C1orf21: variants seen among roughly 807,000 people sequenced by gnomAD.
The protein encoded by C1orf21 is chromosome 1 open reading frame 21, also known as uncharacterized protein C1orf21.
In C1orf21, 3 loss-of-function variants were observed where a neutral mutation model predicts 18.7. The ratio of observed to expected loss-of-function variants is 0.16; its 90% CI spans 0.07 to 0.42. The LOEUF (loss-of-function observed/expected upper bound fraction) is 0.42, where lower values mean the gene tolerates loss of function less well. C1orf21 is among the 10% of genes least tolerant of loss of function. The pLI, the probability that C1orf21 is intolerant of heterozygous loss-of-function variation, is 0.99. For synonymous variants in C1orf21, 41 were observed against 46.4 expected, an observed-to-expected ratio of 0.88 and a Z score of 0.47; for missense variants, 104 against 143.6, an observed-to-expected ratio of 0.72 and a Z score of 1.41.
At position 184,615,990 on chromosome 1, in the gene C1orf21, A is replaced by T. The variant is rs536701165; in HGVS notation, c.328-3528A>T. On this transcript the variant is annotated intron_variant, in intron 5 of 5. Coordinates refer to ENST00000235307, the MANE Select transcript of C1orf21 (RefSeq NM_030806.4). ...TTGAAATATACAATATATTACTACT[A>T]ACTCTAGTCACCCTACTGTGCTGTT... is the stretch of plus-strand genomic sequence containing the variant. Among the ~76,000 whole-genome samples, 9 of 152,258 alleles carry T rather than the reference A, an allele frequency of 5.9e-5. No individual in the cohort carries two copies. The East Asian group carries it at 1.7e-3, about 29-fold the overall frequency.
intron 3 of C1orf21, among the ~76,000 whole-genome samples, chr1:184,518,496 T>C (rs761722847): frequency 1.3e-5 from 2 of 152,212 alleles, no homozygotes; most frequent in Non-Finnish European, 2.9e-5. Context: ...TATCTTCATA[T>C]CACACTTCAA....
At chr1:184,581,280 A>G (rs1251986750) in intron 3 of C1orf21, among the ~76,000 whole-genome samples, 3 of 152,126 alleles carry the variant, frequency 2.0e-5, no homozygotes, top group African/African-American at 7.2e-5. Context: ...TACAAAAATT[A>G]GCCAGGCATG....
At chr1:184,491,901 G>A (rs910188367) in intron 2 of C1orf21, among the ~76,000 whole-genome samples, 11 of 152,164 alleles carry the variant, frequency 7.2e-5, no homozygotes, top group African/African-American at 2.7e-4. Context: ...TTTAGCTAAC[G>A]GGCCTTGTCT....
intron 1 of C1orf21, among the ~76,000 whole-genome samples, chr1:184,434,353 A>T (rs1311770516): frequency 6.6e-6 from 1 of 151,744 alleles, no homozygotes; most frequent in African/African-American, 2.4e-5. Context: ...CTCCATGTAA[A>T]GATGCAGGGA....
intron 4 of C1orf21, among the ~76,000 whole-genome samples, chr1:184,597,814 C>T (rs1469836727): frequency 6.6e-6 from 1 of 152,206 alleles, no homozygotes; most frequent in Non-Finnish European, 1.5e-5. Context: ...GCAAGTGCTG[C>T]TCAGACATGC....
intron 3 of C1orf21, among the ~76,000 whole-genome samples, chr1:184,584,035 C>G (rs754817017): frequency 6.6e-6 from 1 of 151,988 alleles, no homozygotes; most frequent in Non-Finnish European, 1.5e-5. Flanking sequence ...CTGCTTTATC[C>G]GAGCTGCTGC....
At chr1:184,618,084 GTT>G (rs981139449) in intron 5 of C1orf21, among the ~76,000 whole-genome samples, 1 of 151,606 alleles carries the variant, frequency 6.6e-6, no homozygotes, top group Admixed American at 6.6e-5. Context: ...TAGTTTTTGT[GTT>G]TTTAGTAGAG....
chr1:184,395,605 G>A (rs183937875), intron 1 of C1orf21, among the ~76,000 whole-genome samples: 2 of 152,006 alleles, frequency 1.3e-5, no homozygotes, highest in Admixed American at 6.5e-5. Context: ...ATTGACATGC[G>A]AACACATGAT....
At chr1:184,534,110 G>C (rs755248256) in intron 3 of C1orf21, among the ~76,000 whole-genome samples, 1 of 152,060 alleles carries the variant, frequency 6.6e-6, no homozygotes, top group Non-Finnish European at 1.5e-5. Flanking sequence ...TTTCTTTCCC[G>C]TCTCTGATAA....
chr1:184,592,194 C>A, intron 4 of C1orf21: 1 of 151,774 alleles, frequency 6.6e-6, no homozygotes, highest in Admixed American at 6.6e-5. Context: ...AAAAAATGTA[C>A]AAATAACATT....
chr1:184,407,394 C>T, intron 1 of C1orf21, among the ~76,000 whole-genome samples: 1 of 152,078 alleles, frequency 6.6e-6, no homozygotes, highest in Non-Finnish European at 1.5e-5. Context: ...ATGGTATTTA[C>T]CATAATTGAA....
In C1orf21 at chr1:184,621,809, A is replaced by G. The variant is rs1254901886; in HGVS notation, c.*2253A>G. On this transcript the variant is annotated 3_prime_UTR_variant, in exon 6 of 6. Coordinates refer to ENST00000235307, the MANE Select transcript of C1orf21 (RefSeq NM_030806.4). Reference sequence around the variant, plus strand: ...TAAAGCCGGAAGTGGTGTTGCCCTGAACCAGCAGATTTTCACCTGGGTTCT... The same window carrying G: ...TAAAGCCGGAAGTGGTGTTGCCCTGGACCAGCAGATTTTCACCTGGGTTCT... 6.6e-6 allele frequency: 1 copy of G among 152,242 alleles called. No individual in the cohort carries two copies. The highest frequency in any genetic ancestry group is 2.4e-5 in the African/African-American group (1 of 41,462). The allele number at this position is 152,242 out of a possible 1,614,324, so 9.4% of individuals were successfully genotyped here. A position where few individuals can be genotyped will look rare whatever the true frequency, so the allele number is the denominator to read the frequency against.
intron 2 of C1orf21, among the ~76,000 whole-genome samples, chr1:184,488,847 C>T (rs923492937): frequency 9.9e-5 from 15 of 152,156 alleles, no homozygotes; most frequent in Admixed American, 9.2e-4. Context: ...CGCCTGTAGT[C>T]CCAGCTACTT....
intron 1 of C1orf21, among the ~76,000 whole-genome samples, chr1:184,425,371 T>A (rs976778022): frequency 6.6e-6 from 1 of 151,548 alleles, no homozygotes; most frequent in Non-Finnish European, 1.5e-5. Flanking sequence ...GTTCAAGCAA[T>A]CCTCCTGCCT....
In C1orf21 at chr1:184,626,591, T is replaced by G. The variant is rs932601879; in HGVS notation, c.*7035T>G. On this transcript the variant is annotated 3_prime_UTR_variant, in exon 6 of 6. Coordinates refer to ENST00000235307, the MANE Select transcript of C1orf21 (RefSeq NM_030806.4). Reference sequence around the variant, plus strand: ...GAGCTTTAGGTGGTGCTGTGTCCTCTGCAGCCCACTGCTGAGGTCCTCCAG... The same window carrying G: ...GAGCTTTAGGTGGTGCTGTGTCCTCGGCAGCCCACTGCTGAGGTCCTCCAG... The G allele has an allele frequency of 3.3e-5, 5 of 152,418 alleles. No homozygotes were observed. Among genetic ancestry groups the G allele is most frequent in the Non-Finnish European group, 7.3e-5 (5 of 68,216 alleles). 9.4% of individuals were successfully genotyped at this position (152,418 alleles called of 1,614,324 possible). A position where few individuals can be genotyped will look rare whatever the true frequency, so the allele number is the denominator to read the frequency against.
chr1:184,516,543 T>C (rs541796561), intron 3 of C1orf21, among the ~76,000 whole-genome samples: 7 of 152,286 alleles, frequency 4.6e-5, no homozygotes, highest in Middle Eastern at 6.8e-3. Flanking sequence ...GGACTTAAGT[T>C]CCACGTGGAT....
intron 3 of C1orf21, among the ~76,000 whole-genome samples, chr1:184,548,064 C>G (rs774838416): frequency 6.6e-6 from 1 of 152,170 alleles, no homozygotes; most frequent in Non-Finnish European, 1.5e-5. Context: ...GGCCTCACAA[C>G]CTGGTCTGTT....
intron 3 of C1orf21, among the ~76,000 whole-genome samples, chr1:184,564,234 C>A (rs1318756944): frequency 2.6e-5 from 4 of 152,142 alleles, no homozygotes; most frequent in Non-Finnish European, 4.4e-5. Flanking sequence ...ATGCAAAATA[C>A]CTAGACTGGA....
At chr1:184,481,278 G>A (rs1007799715) in intron 2 of C1orf21, among the ~76,000 whole-genome samples, 3 of 152,154 alleles carry the variant, frequency 2.0e-5, no homozygotes, top group Non-Finnish European at 4.4e-5. Context: ...ATGAATTGGT[G>A]GGTCAGCTGT....
Sources: gnomAD v4.1 joint callset for allele counts (sites outside exome capture counted in the v4.1 genomes callset) on GRCh38, gnomAD v4.1.1 for gene constraint, MANE v1.5 for transcripts, NCBI Gene and HGNC (gene_info 2026-07-23, HGNC 2026-07-21) for gene names.